Variants in TAB2 observed in about 807,000 individuals in gnomAD.
The protein encoded by TAB2 is TGF-beta-activated kinase 1 and MAP3K7-binding protein 2.
TAB2 carries 3 observed loss-of-function variants against 65.0 expected under a neutral mutation model. The ratio of observed to expected loss-of-function variants is 0.05; its 90% CI spans 0.02 to 0.12. TAB2 has a LOEUF of 0.12. TAB2 is among the 10% of genes least tolerant of loss of function. The probability of loss-of-function intolerance (pLI) is 1.00; values close to 1 mark genes in which losing one functional copy is unlikely to be tolerated. For synonymous variants in TAB2, 298 were observed against 285.1 expected, an observed-to-expected ratio of 1.05 and a Z score of -0.46; for missense variants, 623 against 840.3, an observed-to-expected ratio of 0.74 and a Z score of 3.20.
At chr6:149,310,252 G>A (rs989818047) in intron 1 of TAB2, among the ~76,000 whole-genome samples, 1 of 152,094 alleles carries the variant, frequency 6.6e-6, no homozygotes, top group African/African-American at 2.4e-5. Context: ...TGGGAGGATC[G>A]CTTGAGCCTG....
intron 1 of TAB2, among the ~76,000 whole-genome samples, chr6:149,227,685 A>T (rs1415936546): frequency 6.6e-6 from 1 of 152,248 alleles, no homozygotes; most frequent in Non-Finnish European, 1.5e-5. Flanking sequence ...GACCTTGGGC[A>T]AGATATAAGT....
chr6:149,369,484 C>A (rs1209817962), intron 1 of TAB2, among the ~76,000 whole-genome samples: 1 of 152,094 alleles, frequency 6.6e-6, no homozygotes, highest in Non-Finnish European at 1.5e-5. Flanking sequence ...GGTTTTGAAT[C>A]ATTAAGTTTT....
chr6:149,319,636 C>T (rs1252193079), intron 1 of TAB2, among the ~76,000 whole-genome samples: 4 of 152,140 alleles, frequency 2.6e-5, no homozygotes, highest in Non-Finnish European at 5.9e-5. Context: ...TGGGTTTTTC[C>T]CCCATAGGTC....
Position 149,300,786 on chromosome 6 carries a change from T to TG in TAB2, c.-120-77225dup, listed in dbSNP as rs550962406. The stretch of plus-strand genomic sequence containing the variant: ...AGTTGGCAGAAGGCCAGGAGAGCAC[T>TG]GGGGGGGTGAAAGGAGTCCATACCA... On this transcript the variant is annotated intron_variant, in intron 1 of 1. Transcript: ENST00000606202. Among the ~76,000 whole-genome samples, 34 of 152,164 alleles carry TG rather than the reference T, an allele frequency of 2.2e-4. No individual in the cohort carries two copies. In the South Asian group the frequency reaches 5.0e-3, roughly 22 times the overall value.
At chr6:149,386,667 G>GT (rs1259613867) in intron 3 of TAB2, among the ~76,000 whole-genome samples, 1 of 151,986 alleles carries the variant, frequency 6.6e-6, no homozygotes, top group Non-Finnish European at 1.5e-5. Context: ...TAGACATTTT[G>GT]TTTTTTTCCA....
chr6:149,363,455 T>C (rs956327947), intron 1 of TAB2, among the ~76,000 whole-genome samples: 1 of 152,206 alleles, frequency 6.6e-6, no homozygotes, highest in Non-Finnish European at 1.5e-5. Flanking sequence ...TTCATAGCAC[T>C]TGCTGGCTTT....
chr6:149,292,809 C>T (rs1368166078), intron 1 of TAB2, among the ~76,000 whole-genome samples: 2 of 152,024 alleles, frequency 1.3e-5, no homozygotes, highest in Admixed American at 6.6e-5. Context: ...CATAGCTAAC[C>T]GTATGACCAA....
At chr6:149,232,865 C>T (rs923344697) in intron 1 of TAB2, among the ~76,000 whole-genome samples, 1 of 152,158 alleles carries the variant, frequency 6.6e-6, no homozygotes, top group Admixed American at 6.5e-5. Flanking sequence ...TGCCCCAGAG[C>T]AGAACAAGCC....
chr6:149,324,143 A>G lies in TAB2; in HGVS notation c.-90+6128A>G, dbSNP rs1290960690. On this transcript the variant is annotated intron_variant, in intron 1 of 6. Transcript: ENST00000637181. ...GAAAAACAAAAACCGGCCTAGTACCAGTGCTCCTAGTACAAGTCACAGAAG... is the reference window on the plus strand; with the variant it reads ...GAAAAACAAAAACCGGCCTAGTACCGGTGCTCCTAGTACAAGTCACAGAAG... Among the ~76,000 whole-genome samples the G allele has an allele frequency of 3.9e-5, 6 of 152,152 alleles. 1 individual carries two copies. The highest frequency in any genetic ancestry group is 1.4e-4 in the African/African-American group (6 of 41,416).
rs754321872 is a variant in TAB2 at position 149,378,983 on chromosome 6, T to C, written c.1068T>C (p.Asn356=). ...PRTSSTSSSV[N]SQTLNRNQPT... ...CCTCCAGCACTTCCTCTTCAGTCAA[T>C]AGCCAGACCTTAAACAGAAATCAGC... is the stretch of plus-strand genomic sequence containing the variant. Residue 356 remains asparagine (N), a synonymous_variant, in exon 3 of 7, where the codon AAT becomes AAC. Coordinates refer to ENST00000637181, the MANE Select transcript of TAB2 (RefSeq NM_001292034.3). The C allele has an allele frequency of 2.3e-5, 37 of 1,614,060 alleles. No individual in the cohort carries two copies. Among genetic ancestry groups the C allele is most frequent in the Non-Finnish European group, 3.1e-5 (36 of 1,180,044 alleles).
intron 6 of TAB2, among the ~76,000 whole-genome samples, chr6:149,406,252 C>T (rs1330401783): frequency 1.3e-5 from 2 of 152,156 alleles, no homozygotes; most frequent in African/African-American, 2.4e-5. Flanking sequence ...TGTGTTACTT[C>T]TTCCTTCATA....
intron 1 of TAB2, among the ~76,000 whole-genome samples, chr6:149,332,715 A>C (rs990956002): frequency 2.0e-5 from 3 of 152,200 alleles, no homozygotes; most frequent in Non-Finnish European, 4.4e-5. Context: ...CCAGAGAGAT[A>C]AATGAAAAAT....
intron 1 of TAB2, among the ~76,000 whole-genome samples, chr6:149,337,988 A>G (rs1205396432): frequency 1.3e-5 from 2 of 152,298 alleles, no homozygotes; most frequent in Middle Eastern, 3.4e-3. Context: ...AGTTAAGTAT[A>G]GGGTGCCTAA....
chr6:149,401,838 T>C (rs912666266), intron 6 of TAB2, among the ~76,000 whole-genome samples: 2 of 151,476 alleles, frequency 1.3e-5, no homozygotes, highest in Non-Finnish European at 2.9e-5. Context: ...TTTGTGGAAA[T>C]TTAAACACAG....
At chr6:149,365,038 A>G (rs1263142849) in intron 1 of TAB2, among the ~76,000 whole-genome samples, 1 of 152,130 alleles carries the variant, frequency 6.6e-6, no homozygotes, top group Non-Finnish European at 1.5e-5. Context: ...GTAGTGCTGT[A>G]TATACTCTGC....
chr6:149,316,332 G>A (rs1779250960), upstream of TAB2, among the ~76,000 whole-genome samples: 1 of 152,190 alleles, frequency 6.6e-6, no homozygotes, highest in Admixed American at 6.5e-5. Context: ...GGATGAATGA[G>A]GAAAAAGGAA....
intron 1 of TAB2, among the ~76,000 whole-genome samples, chr6:149,254,832 A>G (rs1346767520): frequency 1.3e-5 from 2 of 152,240 alleles, no homozygotes; most frequent in Non-Finnish European, 2.9e-5. Flanking sequence ...GGACTGTACT[A>G]TAGAAAAATG....
chr6:149,389,542 G>A (rs957931001), intron 3 of TAB2, among the ~76,000 whole-genome samples: 12 of 151,606 alleles, frequency 7.9e-5, no homozygotes, highest in Non-Finnish European at 1.5e-4. Context: ...CTACTGGGGA[G>A]GCTGAGGCAG....
At chr6:149,298,029 A>G (rs1279286881) in intron 1 of TAB2, among the ~76,000 whole-genome samples, 1 of 152,228 alleles carries the variant, frequency 6.6e-6, no homozygotes, top group Non-Finnish European at 1.5e-5. Context: ...TCACAATGTC[A>G]TTATAAATTT....
Sources: allele counts gnomAD v4.1 joint callset (sites outside exome capture counted in the v4.1 genomes callset), GRCh38; gene constraint gnomAD v4.1.1; transcripts MANE v1.5; gene names NCBI Gene and HGNC (gene_info 2026-07-23, HGNC 2026-07-21).